FLACC1: variants seen among roughly 807,000 people sequenced by gnomAD.
FLACC1 encodes the protein flagellum associated containing coiled-coil domains 1, also known as flagellum-associated coiled-coil domain-containing protein 1.
In FLACC1, 66 loss-of-function variants were observed where a neutral mutation model predicts 62.8. That is an observed-to-expected ratio of 1.05 (90% confidence interval 0.86 to 1.29). The LOEUF (loss-of-function observed/expected upper bound fraction) is 1.29, where lower values mean the gene tolerates loss of function less well. Among genes scored for constraint, FLACC1 ranks in the 50% most tolerant of loss-of-function variants. FLACC1 has a pLI of 0.00. For synonymous variants in FLACC1, 156 were observed against 161.0 expected, an observed-to-expected ratio of 0.97 and a Z score of 0.24; for missense variants, 452 against 489.1, an observed-to-expected ratio of 0.92 and a Z score of 0.71.
intron 7 of FLACC1, among the ~76,000 whole-genome samples, chr2:201,332,528 G>C (rs760563392): frequency 6.6e-6 from 1 of 152,120 alleles, no homozygotes; most frequent in Non-Finnish European, 1.5e-5. Flanking sequence ...GATTACAGGC[G>C]TGAGCCACTG....
chr2:201,309,630 C>T (rs577037028), intron 9 of FLACC1, among the ~76,000 whole-genome samples: 44 of 151,944 alleles, frequency 2.9e-4, no homozygotes, highest in Admixed American at 1.2e-3. Context: ...GAAAGGAGGC[C>T]GGGCGCAGTG....
chr2:201,343,475 A>G (rs966648567), intron 6 of FLACC1, among the ~76,000 whole-genome samples: 2 of 152,330 alleles, frequency 1.3e-5, no homozygotes, highest in East Asian at 1.9e-4. Flanking sequence ...AGCCTGAGTC[A>G]TAAGCTGGGT....
the FLACC1 span, among the ~76,000 whole-genome samples, chr2:201,363,239 C>T: frequency 1.3e-5 from 2 of 151,932 alleles, no homozygotes; most frequent in African/African-American, 2.4e-5. Flanking sequence ...CACCCCCTTC[C>T]TTGGATCAGC....
rs1949641028 is a variant in FLACC1, at chr2:201,288,526, CAG to C, written c.*127_*128del. On this transcript the variant is annotated 3_prime_UTR_variant, in exon 15 of 15. Coordinates refer to ENST00000392257, the MANE Select transcript of FLACC1 (RefSeq NM_001127391.3). ...GCGAATTCAAACATTTTCAGACATT[CAG>C]AGAGTCAGAGCAACCCAAGAACTAA... 19 of 1,126,604 alleles carry C rather than the reference CAG, an allele frequency of 1.7e-5. No individual in the cohort carries two copies. The highest frequency in any genetic ancestry group is 2.4e-5 in the Non-Finnish European group (19 of 806,606). 69.8% of individuals were successfully genotyped at this position (1,126,604 alleles called of 1,614,324 possible). A position where few individuals can be genotyped will look rare whatever the true frequency, so the allele number is the denominator to read the frequency against.
At chr2:201,342,286 A>G (rs1950824334) in intron 7 of FLACC1, 84 bp downstream of exon 7, 1 of 1,381,812 alleles carries the variant, frequency 7.2e-7, no homozygotes, top group East Asian at 2.3e-5. Context: ...AACTATTTGA[A>G]GTCCCAGTGA....
rs1576401093 is a variant in FLACC1 at position 201,289,321 on chromosome 2, T to A, written c.1142+136A>T. 1.1e-5 allele frequency: 8 copies of A among 737,680 alleles called. 1 individual carries two copies. The Admixed American group carries it at 2.0e-4, about 19-fold the overall frequency. The allele number at this position is 737,680 out of a possible 1,614,324, so 45.7% of individuals were successfully genotyped here. On this transcript the variant is annotated intron_variant, in intron 14 of 14. Transcript: ENST00000392257. ...TTTGTGTCACTGGCCTAGAGTGACA[T>A]ACCTCCCTCCCGAAAACACCTGTGC...
Position 201,309,206 on chromosome 2 carries a change from C to A in FLACC1, c.720G>T (p.Lys240Asn), listed in dbSNP as rs1950165225. The A allele has an allele frequency of 6.2e-7, 1 of 1,613,956 alleles. No individual in the cohort carries two copies. Among genetic ancestry groups the A allele is most frequent in the Non-Finnish European group, 8.5e-7 (1 of 1,179,994 alleles). ...ACTTCTCATCCTTCTTCCATTTCGCCTTCTGTTTTGACCACTTCTCTTCCA... is the reference window on the plus strand; with the variant it reads ...ACTTCTCATCCTTCTTCCATTTCGCATTCTGTTTTGACCACTTCTCTTCCA... Reference protein sequence around the residue: ...DEMEEKWSKQKAKWKKDEKFE... With the variant: ...DEMEEKWSKQNAKWKKDEKFE... The change falls in exon 10 of 15, where the codon AAG (lysine) becomes AAT (asparagine). Residue 240 changes from lysine (K) to asparagine (N), a missense_variant. Lys to Asn is a moderately conservative substitution (Grantham distance 94). This residue lies in a region of FLACC1 where 301 missense variants were observed against 318.4 expected (regional missense o/e 0.95). Transcript: ENST00000392257.
intron 12 of FLACC1, 145 bp from the exon 13 acceptor site, chr2:201,289,930 C>T: frequency 7.0e-7 from 1 of 1,437,006 alleles, no homozygotes. Context: ...TCAGTCCTGC[C>T]TCCTCTCTGT....
chr2:201,361,449 T>A (rs1334905732), upstream of FLACC1, among the ~76,000 whole-genome samples: 2 of 152,236 alleles, frequency 1.3e-5, no homozygotes, highest in African/African-American at 4.8e-5. Context: ...TGAGCACCCA[T>A]TTTTTGCTTC....
At chr2:201,292,853 A>T (rs1949768705) in intron 12 of FLACC1, among the ~76,000 whole-genome samples, 1 of 152,234 alleles carries the variant, frequency 6.6e-6, no homozygotes, top group South Asian at 2.1e-4. Flanking sequence ...GAAAACAAAA[A>T]AAGGCAGGGG....
intron 12 of FLACC1, among the ~76,000 whole-genome samples, chr2:201,294,216 A>C (rs1192655839): frequency 6.6e-6 from 1 of 152,122 alleles, no homozygotes; most frequent in Non-Finnish European, 1.5e-5. Context: ...GAGACACAAC[A>C]AAAAAAGAGA....
In FLACC1 at chr2:201,322,891, GA is replaced by G. The variant is rs577746164; in HGVS notation, c.675+7578del. Among the ~76,000 whole-genome samples, 20 of 152,012 alleles carry G rather than the reference GA, an allele frequency of 1.3e-4. No individual in the cohort carries two copies. In the South Asian group the frequency reaches 4.2e-3, roughly 32 times the overall value. On this transcript the variant is annotated intron_variant, in intron 9 of 14. Transcript: ENST00000392257. ...TTTCTAGAGATATAGATATTATCAAGAAAAAACAATAAGAATTTCTAGAAAT... is the reference window on the plus strand; with the variant it reads ...TTTCTAGAGATATAGATATTATCAAGAAAAACAATAAGAATTTCTAGAAAT...
chr2:201,324,779 C>A (rs1195202029), intron 9 of FLACC1, among the ~76,000 whole-genome samples: 2 of 152,042 alleles, frequency 1.3e-5, no homozygotes, highest in East Asian at 3.9e-4. Context: ...ACAGTGAAAT[C>A]AAGATGGAAA....
intron 7 of FLACC1, among the ~76,000 whole-genome samples, chr2:201,332,524 A>C (rs1040381716): frequency 6.6e-6 from 1 of 152,180 alleles, no homozygotes; most frequent in Admixed American, 6.5e-5. Flanking sequence ...CTGAGATTAC[A>C]GGCGTGAGCC....
intron 10 of FLACC1, 82 bp downstream of exon 10, chr2:201,309,069 C>A: frequency 8.2e-7 from 1 of 1,225,562 alleles, no homozygotes; most frequent in East Asian, 2.3e-5. Flanking sequence ...AGCCCAAGGC[C>A]ACCTTCCTCA....
chr2:201,334,040 C>T (rs148206419), intron 7 of FLACC1, among the ~76,000 whole-genome samples: 20,703 of 152,204 alleles, frequency 0.14, 1,857 homozygotes, highest in Non-Finnish European at 0.19. Context: ...CAGTGTAAAA[C>T]TCTTCCTATT....
At chr2:201,307,646 A>C in intron 10 of FLACC1, 24 bp from the exon 11 acceptor site, 3 of 1,521,138 alleles carry the variant, frequency 2.0e-6, no homozygotes, top group Non-Finnish European at 9.1e-7. Flanking sequence ...AGGAAAGCAC[A>C]TATATGTGTA....
intron 7 of FLACC1, among the ~76,000 whole-genome samples, chr2:201,332,795 T>G (rs1038978987): frequency 2.0e-5 from 3 of 151,976 alleles, no homozygotes; most frequent in African/African-American, 7.3e-5. Context: ...CACATATAAG[T>G]GAGAATATGT....
chr2:201,351,019 G>A (rs748993457), intron 2 of FLACC1, among the ~76,000 whole-genome samples: 6 of 152,194 alleles, frequency 3.9e-5, no homozygotes, highest in African/African-American at 9.7e-5. Flanking sequence ...ACATGAAGGC[G>A]GCAGCTGCCA....
Sources: gnomAD v4.1 joint callset for allele counts (sites outside exome capture counted in the v4.1 genomes callset) on GRCh38, gnomAD v4.1.1 for gene constraint, gnomAD v4.1.1 regional missense constraint, MANE v1.5 for transcripts, NCBI Gene and HGNC (gene_info 2026-07-23, HGNC 2026-07-21) for gene names.